The following PROCR variants were observed in gnomAD, a reference collection of about 807,000 sequenced individuals.
The protein encoded by PROCR is endothelial protein C receptor.
A neutral mutation model predicts 24.2 loss-of-function variants in PROCR; 22 were observed. The observed-to-expected ratio is 0.91, with a 90% CI of 0.65 to 1.30. PROCR has a LOEUF of 1.30. PROCR is among the 50% of genes most tolerant of loss of function. The probability of loss-of-function intolerance (pLI) is 0.00; values close to 1 mark genes in which losing one functional copy is unlikely to be tolerated. For missense variants in PROCR, 288 were observed against 307.7 expected (o/e 0.94, Z 0.48); for synonymous variants, 137 against 139.2 (o/e 0.98, Z 0.11).
Position 35,204,546 on chromosome 20 carries a change from T to C in PROCR, c.95-11347T>C, listed in dbSNP as rs1051829841. Among the ~76,000 whole-genome samples the C allele has an allele frequency of 5.3e-5, 8 of 152,144 alleles. No homozygotes were observed. The South Asian group carries it at 1.2e-3, about 24-fold the overall frequency. ...AGACTTCCACACCCAGCAAATTTTT[T>C]TGTATTTTTAGTAGAGATGGGTTTT... On this transcript the variant is annotated intron_variant, in intron 1 of 1. Transcript: ENST00000634509.
At chr20:35,196,775 G>A (rs2086219717) in intron 1 of PROCR, among the ~76,000 whole-genome samples, 1 of 152,184 alleles carries the variant, frequency 6.6e-6, no homozygotes, top group African/African-American at 2.4e-5. Flanking sequence ...CTACAGAAAT[G>A]AAGGAAGAGC....
intron 1 of PROCR, among the ~76,000 whole-genome samples, chr20:35,205,322 G>A (rs1469054190): frequency 6.7e-6 from 1 of 149,660 alleles, no homozygotes; most frequent in Non-Finnish European, 1.5e-5. Flanking sequence ...CATATTGGCA[G>A]ACTAAGGAAG....
chr20:35,173,817 C>T (rs1363645545), intron 1 of PROCR, among the ~76,000 whole-genome samples: 1 of 152,122 alleles, frequency 6.6e-6, no homozygotes, highest in African/African-American at 2.4e-5. Flanking sequence ...ATGTGTCAGC[C>T]AAAGGCAGCA....
intron 1 of PROCR, among the ~76,000 whole-genome samples, chr20:35,195,075 T>C (rs2086204537): frequency 6.6e-6 from 1 of 152,128 alleles, no homozygotes; most frequent in Admixed American, 6.6e-5. Flanking sequence ...CCCCATGAGG[T>C]AAAAGTTAAA....
chr20:35,208,828 C>T (rs565049491), intron 1 of PROCR, among the ~76,000 whole-genome samples: 5 of 152,098 alleles, frequency 3.3e-5, no homozygotes, highest in South Asian at 2.1e-4. Flanking sequence ...TAAAATTAGC[C>T]GGGCATGGTG....
In PROCR at chr20:35,213,882, C is replaced by T. The variant is rs181488287; in HGVS notation, c.95-2011C>T. On this transcript the variant is annotated intron_variant, in intron 1 of 1. Coordinates refer to the PROCR transcript ENST00000634509. The stretch of plus-strand genomic sequence containing the variant: ...ATGAGGCCAGGAGTTCGAGACCAGC[C>T]TGCCCAACATGGTGAAACACTGTCT... Among the ~76,000 whole-genome samples the T allele has an allele frequency of 2.6e-4, 39 of 151,572 alleles. 1 individual carries two copies. In the East Asian group the frequency reaches 6.4e-3, roughly 25 times the overall value.
intron 1 of PROCR, among the ~76,000 whole-genome samples, chr20:35,208,507 T>A (rs1178858582): frequency 1.3e-5 from 2 of 152,128 alleles, no homozygotes; most frequent in African/African-American, 4.8e-5. Context: ...GTTAAGTCAT[T>A]TATCTGAAGT....
At chr20:35,194,773 C>A in intron 1 of PROCR, among the ~76,000 whole-genome samples, 1 of 74,368 alleles carries the variant, frequency 1.3e-5, no homozygotes, top group East Asian at 3.6e-4. Flanking sequence ...TGAAAATGAA[C>A]TGACACTGCA....
intron 1 of PROCR, among the ~76,000 whole-genome samples, chr20:35,184,000 C>T (rs560093170): frequency 7.2e-5 from 11 of 152,246 alleles, no homozygotes; most frequent in South Asian, 2.1e-4. Context: ...TACAAATTCA[C>T]GCAGTCCCCA....
At chr20:35,206,493 A>C (rs1292103463) in intron 1 of PROCR, among the ~76,000 whole-genome samples, 5 of 151,400 alleles carry the variant, frequency 3.3e-5, no homozygotes, top group Non-Finnish European at 7.4e-5. Flanking sequence ...AAAAAAAAAA[A>C]AAAACTCTCA....
intron 1 of PROCR, among the ~76,000 whole-genome samples, chr20:35,173,599 T>C (rs1600732422): frequency 6.6e-6 from 1 of 151,878 alleles, no homozygotes; most frequent in Admixed American, 6.6e-5. Flanking sequence ...CTGGCTAATA[T>C]TTGTATTTTT....
chr20:35,172,360 G>A, intron 1 of PROCR, 136 bp downstream of exon 1: 2 of 1,135,302 alleles, frequency 1.8e-6, no homozygotes, highest in South Asian at 1.3e-5. Context: ...TACAGGGCAG[G>A]CAGAGTCTTG....
chr20:35,212,781 G>C (rs1436363060), intron 1 of PROCR, among the ~76,000 whole-genome samples: 1 of 152,234 alleles, frequency 6.6e-6, no homozygotes, highest in Non-Finnish European at 1.5e-5. Context: ...CTCAGAATTA[G>C]AATTGATGGG....
chr20:35,175,160 G>A (rs958263476), intron 2 of PROCR, among the ~76,000 whole-genome samples: 5 of 151,956 alleles, frequency 3.3e-5, no homozygotes, highest in Non-Finnish European at 7.4e-5. Flanking sequence ...GCCCCGACTC[G>A]GGCGGTCGTC....
intron 1 of PROCR, among the ~76,000 whole-genome samples, chr20:35,205,785 A>ATG (rs2060338340): frequency 7.5e-6 from 1 of 134,212 alleles, no homozygotes; most frequent in East Asian, 2.0e-4. Context: ...ATATATATAT[A>ATG]TATGTATATA....
At chr20:35,205,372 A>T (rs2146175989) in intron 1 of PROCR, among the ~76,000 whole-genome samples, 1 of 149,346 alleles carries the variant, frequency 6.7e-6, no homozygotes, top group Non-Finnish European at 1.5e-5. Context: ...AAGAAAATGC[A>T]TTAACAAAAT....
At chr20:35,186,395 C>T (rs1250101943) in intron 1 of PROCR, among the ~76,000 whole-genome samples, 6 of 150,684 alleles carry the variant, frequency 4.0e-5, no homozygotes, top group Admixed American at 1.3e-4. Flanking sequence ...GGAGAAACCC[C>T]GCCTCTTCTA....
chr20:35,205,804 T>C (rs1230916987), intron 1 of PROCR, among the ~76,000 whole-genome samples: 2 of 140,274 alleles, frequency 1.4e-5, no homozygotes, highest in Non-Finnish European at 1.5e-5. Context: ...TATACACACA[T>C]ATATATGTAC....
chr20:35,198,327 C>T (rs892738234), intron 1 of PROCR, among the ~76,000 whole-genome samples: 3 of 151,818 alleles, frequency 2.0e-5, no homozygotes, highest in Admixed American at 6.6e-5. Context: ...CCGGTGAACA[C>T]ATGAATGATA....
Sources: allele counts gnomAD v4.1 joint callset (sites outside exome capture counted in the v4.1 genomes callset), GRCh38; gene constraint gnomAD v4.1.1; transcripts MANE v1.5; gene names NCBI Gene and HGNC (gene_info 2026-07-23, HGNC 2026-07-21).